DPP10: variants seen among roughly 807,000 people sequenced by gnomAD.
DPP10 encodes the protein inactive dipeptidyl peptidase 10.
In DPP10, 33 loss-of-function variants were observed where a neutral mutation model predicts 120.9. The ratio of observed to expected loss-of-function variants is 0.27; its 90% CI spans 0.21 to 0.37. DPP10 has a LOEUF of 0.37. DPP10 is among the 10% of genes least tolerant of loss of function. DPP10 has a pLI of 1.00. For synonymous variants in DPP10, 337 were observed against 326.1 expected (o/e 1.03, Z -0.36); for missense variants, 816 against 942.8 (o/e 0.87, Z 1.76).
Position 115,493,846 on chromosome 2 carries a change from G to A in DPP10, c.272-5664G>A, listed in dbSNP as rs1575011074. 3.9e-5 allele frequency among the ~76,000 whole-genome samples: 6 copies of A among 152,198 alleles called. 1 individual carries two copies. The South Asian group carries it at 1.2e-3, about 32-fold the overall frequency. On this transcript the variant is annotated intron_variant, in intron 3 of 25. Coordinates refer to ENST00000410059, the MANE Select transcript of DPP10 (RefSeq NM_020868.6). ...AGAGAATAGCTTGTATGGCTGTTAT[G>A]GAGAACAAGGTGGAAACCCCTCAGG...
chr2:115,363,415 GT>G (rs1196918206), intron 3 of DPP10, among the ~76,000 whole-genome samples: 3 of 152,164 alleles, frequency 2.0e-5, no homozygotes, highest in African/African-American at 7.2e-5. Context: ...CAGACTCATG[GT>G]TAAGTGGCAT....
chr2:115,016,151 T>A (rs1573313670), intron 1 of DPP10, among the ~76,000 whole-genome samples: 1 of 151,946 alleles, frequency 6.6e-6, no homozygotes, highest in East Asian at 1.9e-4. Context: ...CCAAAACAGA[T>A]ATATAGACCA....
intron 1 of DPP10, among the ~76,000 whole-genome samples, chr2:114,542,679 C>T (rs1425918866): frequency 1.3e-5 from 2 of 152,146 alleles, no homozygotes; most frequent in Non-Finnish European, 2.9e-5. Flanking sequence ...GGAAGACAAG[C>T]TTTCTTATCT....
chr2:114,812,541 T>C (rs926743701), intron 1 of DPP10, among the ~76,000 whole-genome samples: 10 of 149,688 alleles, frequency 6.7e-5, no homozygotes, highest in African/African-American at 2.2e-4. Flanking sequence ...TGAGCTGTGA[T>C]TGCATCACTG....
chr2:114,658,503 C>A (rs12711801), intron 1 of DPP10, among the ~76,000 whole-genome samples: 17,495 of 152,068 alleles, frequency 0.12, 1,339 homozygotes, highest in African/African-American at 0.22. Context: ...CAAAGGAATA[C>A]CATAAAGGCT....
intron 1 of DPP10, among the ~76,000 whole-genome samples, chr2:115,111,639 C>T (rs1328905847): frequency 6.6e-6 from 1 of 152,104 alleles, no homozygotes. Context: ...TGGAGAGGAA[C>T]TCAGCTGCAA....
intron 8 of DPP10, among the ~76,000 whole-genome samples, chr2:115,731,176 G>C (rs2092900144): frequency 6.6e-6 from 1 of 152,106 alleles, no homozygotes; most frequent in Non-Finnish European, 1.5e-5. Flanking sequence ...TGGCCAACAT[G>C]GTGAAACCCC....
At chr2:115,220,661 G>A (rs1340402762) in intron 1 of DPP10, among the ~76,000 whole-genome samples, 1 of 152,048 alleles carries the variant, frequency 6.6e-6, no homozygotes, top group Non-Finnish European at 1.5e-5. Flanking sequence ...TGACAGACAT[G>A]TCACTTACAC....
intron 1 of DPP10, among the ~76,000 whole-genome samples, chr2:115,214,733 A>C (rs2056718092): frequency 6.6e-6 from 1 of 152,156 alleles, no homozygotes; most frequent in Non-Finnish European, 1.5e-5. Flanking sequence ...TTTGTCTCTA[A>C]GGAATGTAAA....
At chr2:114,490,234 C>G (rs917989299) in intron 1 of DPP10, among the ~76,000 whole-genome samples, 1 of 138,554 alleles carries the variant, frequency 7.2e-6, no homozygotes, top group African/African-American at 2.4e-5. Flanking sequence ...GTAAGCTCCC[C>G]ACATTTGTTC....
intron 1 of DPP10, among the ~76,000 whole-genome samples, chr2:114,668,172 T>C (rs1399909072): frequency 6.6e-6 from 1 of 152,146 alleles, no homozygotes; most frequent in East Asian, 1.9e-4. Flanking sequence ...ATCTGCCATC[T>C]ACAAGCTGAA....
chr2:115,164,091 G>C (rs930656201), intron 1 of DPP10, among the ~76,000 whole-genome samples: 4 of 152,102 alleles, frequency 2.6e-5, no homozygotes, highest in African/African-American at 9.7e-5. Flanking sequence ...GTATTGACAT[G>C]ATTTGAAAAT....
intron 4 of DPP10, among the ~76,000 whole-genome samples, chr2:115,514,801 A>G (rs1391295866): frequency 1.3e-5 from 2 of 151,928 alleles, no homozygotes; most frequent in African/African-American, 4.8e-5. Context: ...TTGCAGATGT[A>G]TATATCATAA....
chr2:115,186,870 C>G (rs4849384), intron 1 of DPP10, among the ~76,000 whole-genome samples: 146,900 of 152,090 alleles, frequency 0.97, 70,983 homozygotes, highest in East Asian at 1. Context: ...CATCATTCTG[C>G]CAGCAGGACA....
At chr2:114,970,909 T>C (rs779835219) in intron 1 of DPP10, among the ~76,000 whole-genome samples, 3 of 152,150 alleles carry the variant, frequency 2.0e-5, no homozygotes, top group African/African-American at 4.8e-5. Flanking sequence ...ATTAAGTTAG[T>C]TCCATCTAAC....
At chr2:114,667,524 A>G (rs1001756799) in intron 1 of DPP10, among the ~76,000 whole-genome samples, 2 of 152,206 alleles carry the variant, frequency 1.3e-5, no homozygotes, top group African/African-American at 2.4e-5. Context: ...GCTTAGCTCT[A>G]CAAAGGAAGA....
intron 1 of DPP10, among the ~76,000 whole-genome samples, chr2:114,687,059 A>C (rs1699419144): frequency 6.6e-6 from 1 of 151,972 alleles, no homozygotes; most frequent in South Asian, 2.1e-4. Flanking sequence ...AAACAAGAAA[A>C]CAGCTATAAA....
At chr2:114,848,696 A>G (rs549502750) in intron 1 of DPP10, among the ~76,000 whole-genome samples, 26 of 152,336 alleles carry the variant, frequency 1.7e-4, no homozygotes, top group African/African-American at 6.3e-4. Flanking sequence ...GGCTTGGCTT[A>G]TCAGAGGTTT....
At chr2:114,694,190 CCCT>C (rs1433120341) in intron 1 of DPP10, among the ~76,000 whole-genome samples, 1 of 151,714 alleles carries the variant, frequency 6.6e-6, no homozygotes, top group African/African-American at 2.4e-5. Context: ...AATAAAAATA[CCCT>C]CCTCATAGGA....
Sources: allele counts gnomAD v4.1 joint callset (sites outside exome capture counted in the v4.1 genomes callset), GRCh38; gene constraint gnomAD v4.1.1; transcripts MANE v1.5; gene names NCBI Gene and HGNC (gene_info 2026-07-23, HGNC 2026-07-21).